The following RXFP2 variants were observed in gnomAD, a reference collection of about 807,000 sequenced individuals.
The protein encoded by RXFP2 is relaxin receptor 2.
RXFP2 carries 68 observed loss-of-function variants against 88.6 expected under a neutral mutation model. That is an observed-to-expected ratio of 0.77 (90% CI 0.63 to 0.94). The LOEUF is 0.94. Among genes scored for constraint, RXFP2 ranks in the 40% least tolerant of loss-of-function variants. RXFP2 has a pLI of 0.00. For missense variants in RXFP2, 791 were observed against 893.9 expected (o/e 0.88, Z 1.47); for synonymous variants, 329 against 306.8 (o/e 1.07, Z -0.76).
rs199792400 is a variant in RXFP2, at chr13:31,746,767, T to TATACAGCAATATATCTAATATACAGC, written c.94+7062_94+7063insTACAGCAATATATCTAATATACAGCA. On this transcript the variant is annotated intron_variant, in intron 1 of 17. Coordinates refer to ENST00000298386, the MANE Select transcript of RXFP2 (RefSeq NM_130806.5). ...TGTTTCAACCCCACAGGCTAAAAAA[T>TATACAGCAATATATCTAATATACAGC]AATATATCTATTGCTGTAGATATTT... 7.6e-4 allele frequency among the ~76,000 whole-genome samples: 115 copies of TATACAGCAATATATCTAATATACAGC among 152,032 alleles called. 4 individuals are homozygous for TATACAGCAATATATCTAATATACAGC. In the South Asian group the frequency reaches 0.023, roughly 30 times the overall value.
intron 5 of RXFP2, among the ~76,000 whole-genome samples, chr13:31,769,773 G>C (rs979236069): frequency 1.3e-5 from 2 of 152,168 alleles, no homozygotes; most frequent in Non-Finnish European, 2.9e-5. Flanking sequence ...CATGCACTTA[G>C]CATTTGAGAG....
intron 11 of RXFP2, among the ~76,000 whole-genome samples, chr13:31,784,477 G>C (rs1291454489): frequency 2.0e-5 from 3 of 152,144 alleles, no homozygotes; most frequent in Non-Finnish European, 4.4e-5. Flanking sequence ...TCCTCCAAAA[G>C]AGTGTGCTTT....
At chr13:31,748,559 C>T (rs1871522490) in intron 1 of RXFP2, among the ~76,000 whole-genome samples, 1 of 152,160 alleles carries the variant, frequency 6.6e-6, no homozygotes, top group Non-Finnish European at 1.5e-5. Flanking sequence ...AAGTCTCTTG[C>T]CCATTTTTCT....
intron 17 of RXFP2, among the ~76,000 whole-genome samples, chr13:31,800,015 C>T (rs1593475839): frequency 3.3e-5 from 5 of 152,328 alleles, no homozygotes; most frequent in Admixed American, 3.3e-4. Flanking sequence ...TATTGAGCCA[C>T]ACACCAGTCT....
chr13:31,744,855 G>T (rs189300281), intron 1 of RXFP2, among the ~76,000 whole-genome samples: 1 of 151,866 alleles, frequency 6.6e-6, no homozygotes, highest in East Asian at 1.9e-4. Context: ...TTTTAATCAC[G>T]CAGAGTTTAA....
intron 5 of RXFP2, among the ~76,000 whole-genome samples, chr13:31,769,734 T>C (rs976011192): frequency 1.3e-5 from 2 of 152,234 alleles, no homozygotes; most frequent in Non-Finnish European, 2.9e-5. Flanking sequence ...GTGTTGCTGC[T>C]AAGTGATGTG....
chr13:31,778,456 C>G, intron 8 of RXFP2, 56 bp from the exon 9 acceptor site: 1 of 1,168,310 alleles, frequency 8.6e-7, no homozygotes, highest in Non-Finnish European at 1.3e-6. Context: ...AATAAAAAGA[C>G]TGTCCTAAAA....
chr13:31,744,739 AT>A lies in RXFP2; in HGVS notation c.94+5039del, dbSNP rs1871344032. ...TTTTGTTTTTTTTTTCAGTGACTAT[AT>A]TTTTTATTTGGATCATTCCAACTGC... On this transcript the variant is annotated intron_variant, in intron 1 of 17. Coordinates refer to ENST00000298386, the MANE Select transcript of RXFP2 (RefSeq NM_130806.5). 2.7e-5 allele frequency among the ~76,000 whole-genome samples: 4 copies of A among 149,378 alleles called. No homozygotes were observed. The South Asian group carries it at 8.5e-4, about 32-fold the overall frequency.
At chr13:31,742,077 A>G (rs752140357) in intron 1 of RXFP2, among the ~76,000 whole-genome samples, 8 of 152,006 alleles carry the variant, frequency 5.3e-5, no homozygotes, top group Non-Finnish European at 1.2e-4. Flanking sequence ...GTTATTAAAC[A>G]TAACTTTAAA....
intron 3 of RXFP2, 117 bp from the exon 4 acceptor site, chr13:31,764,920 T>C (rs1025537437): frequency 1.6e-5 from 11 of 676,548 alleles, no homozygotes; most frequent in Non-Finnish European, 3.0e-5. Context: ...ATGAGTTCAT[T>C]TAACAGATGT....
Position 31,748,728 on chromosome 13 carries a change from T to C in RXFP2, c.94+9022T>C, listed in dbSNP as rs576918234. ...CCAGGCACTGTGTAAAAATCTCGCCTGTAATCCCAGCACTTTGGGAGGCCG... is the reference window on the plus strand; with the variant it reads ...CCAGGCACTGTGTAAAAATCTCGCCCGTAATCCCAGCACTTTGGGAGGCCG... On this transcript the variant is annotated intron_variant, in intron 1 of 17. Transcript: ENST00000298386. Among the ~76,000 whole-genome samples, 397 of 152,346 alleles carry C rather than the reference T, an allele frequency of 2.6e-3. 3 individuals carry two copies. The highest frequency in any genetic ancestry group is 8.8e-3 in the African/African-American group (364 of 41,572).
chr13:31,782,579 CT>C, intron 10 of RXFP2, 96 bp from the exon 11 acceptor site: 1 of 891,942 alleles, frequency 1.1e-6, no homozygotes. Flanking sequence ...TCAAAGGAGG[CT>C]TATAAAATTC....
chr13:31,764,075 A>C (rs1473858105), intron 3 of RXFP2, among the ~76,000 whole-genome samples: 1 of 152,182 alleles, frequency 6.6e-6, no homozygotes, highest in Non-Finnish European at 1.5e-5. Flanking sequence ...AGAACTTATA[A>C]TTACATTAAA....
intron 1 of RXFP2, among the ~76,000 whole-genome samples, chr13:31,757,375 C>G (rs960411060): frequency 1.3e-5 from 2 of 152,152 alleles, no homozygotes; most frequent in East Asian, 1.9e-4. Flanking sequence ...AGGATAATAT[C>G]GCCCATACAT....
At chr13:31,767,029 CT>C (rs1872577043) in intron 5 of RXFP2, among the ~76,000 whole-genome samples, 1 of 152,114 alleles carries the variant, frequency 6.6e-6, no homozygotes, top group South Asian at 2.1e-4. Context: ...TTGTTTTATC[CT>C]TCAATATCCA....
intron 14 of RXFP2, among the ~76,000 whole-genome samples, chr13:31,790,036 A>C (rs1281182203): frequency 6.6e-6 from 1 of 152,210 alleles, no homozygotes; most frequent in African/African-American, 2.4e-5. Context: ...GTATAGAGAA[A>C]TTCAAACTAT....
intron 17 of RXFP2, among the ~76,000 whole-genome samples, chr13:31,800,639 C>T (rs1311299201): frequency 2.0e-5 from 3 of 152,152 alleles, no homozygotes; most frequent in Admixed American, 2.0e-4. Flanking sequence ...ATGGCCATAC[C>T]ACCCTGAACA....
rs760915316 is a variant in RXFP2, at chr13:31,797,417, C to G, written c.2003C>G (p.Pro668Arg). 1.9e-6 allele frequency: 3 copies of G among 1,609,560 alleles called. No individual in the cohort carries two copies. Among genetic ancestry groups the G allele is most frequent in the Admixed American group, 1.7e-5 (1 of 60,026 alleles). Residue 668 changes from proline to arginine, a missense_variant and splice_region_variant, in exon 17 of 18, where the codon CCA becomes CGA. Physicochemically the swap from Pro to Arg is moderately radical, Grantham distance 103. Coordinates refer to ENST00000298386, the MANE Select transcript of RXFP2 (RefSeq NM_130806.5). ...CTTTCCCTCTTCCGGGTGGAAATACCAGGTCAGTCTCTTCTATCATTCCCA... is the reference window on the plus strand; with the variant it reads ...CTTTCCCTCTTCCGGGTGGAAATACGAGGTCAGTCTCTTCTATCATTCCCA... ...KILSLFRVEI[P>R]DTMTSWIVIF...
Position 31,765,032 on chromosome 13 carries a change from A to G in RXFP2, c.320-5A>G. On this transcript the variant is annotated splice_region_variant and splice_polypyrimidine_tract_variant and intron_variant, in intron 3 of 17. Coordinates refer to ENST00000298386, the MANE Select transcript of RXFP2 (RefSeq NM_130806.5). ...AGTGAAATCTTACTCTTTTTGTCCC[A>G]TTAGTTCTAAAACAGTATCCACAAT... 1 of 1,513,372 alleles carries G rather than the reference A, an allele frequency of 6.6e-7. No homozygotes were observed. Among genetic ancestry groups the G allele is most frequent in the Admixed American group, 1.7e-5 (1 of 59,894 alleles). The allele number at this position is 1,513,372 out of a possible 1,614,324, so 93.7% of individuals were successfully genotyped here.
Sources: gnomAD v4.1 joint callset for allele counts (sites outside exome capture counted in the v4.1 genomes callset) on GRCh38, gnomAD v4.1.1 for gene constraint, MANE v1.5 for transcripts, NCBI Gene and HGNC (gene_info 2026-07-23, HGNC 2026-07-21) for gene names.